SLCO3A1: variants seen among roughly 807,000 people sequenced by gnomAD.
SLCO3A1 encodes the protein PGE1 transporter.
SLCO3A1 carries 27 observed loss-of-function variants against 63.1 expected under a neutral mutation model. That is an observed-to-expected ratio of 0.43 (90% CI 0.32 to 0.59). The LOEUF (loss-of-function observed/expected upper bound fraction) is 0.59, where lower values mean the gene tolerates loss of function less well. Among genes scored for constraint, SLCO3A1 ranks in the 20% least tolerant of loss-of-function variants. The pLI is 0.09. For synonymous variants in SLCO3A1, 473 were observed against 409.9 expected, an observed-to-expected ratio of 1.15 and a Z score of -1.86; for missense variants, 773 against 945.8, an observed-to-expected ratio of 0.82 and a Z score of 2.40.
chr15:92,130,885 CAAAA>C (rs993611856), intron 7 of SLCO3A1, among the ~76,000 whole-genome samples: 5 of 21,798 alleles, frequency 2.3e-4, no homozygotes, highest in African/African-American at 4.3e-4. Flanking sequence ...AAGTTCGGGG[CAAAA>C]AAAAAAAAAA....
chr15:91,986,055 T>TC (rs1276915716), intron 2 of SLCO3A1, among the ~76,000 whole-genome samples: 2 of 152,126 alleles, frequency 1.3e-5, no homozygotes, highest in Admixed American at 6.5e-5. Context: ...GAGTTTACAT[T>TC]CCCTTGAGGA....
At chr15:91,876,429 T>C (rs57803275) in intron 1 of SLCO3A1, among the ~76,000 whole-genome samples, 7,176 of 152,284 alleles carry the variant, frequency 0.047, 528 homozygotes, top group African/African-American at 0.16. Context: ...CAAATGTCTG[T>C]TTCACATGGA....
intron 2 of SLCO3A1, among the ~76,000 whole-genome samples, chr15:92,009,168 G>A (rs561808158): frequency 5.9e-5 from 9 of 152,228 alleles, no homozygotes; most frequent in African/African-American, 1.9e-4. Flanking sequence ...ATGCTCTGCC[G>A]AGCCGTCCCC....
Position 91,865,419 on chromosome 15 carries a change from A to G in SLCO3A1, c.180+11331A>G, listed in dbSNP as rs1897141603. Among the ~76,000 whole-genome samples the G allele has an allele frequency of 6.6e-6, 1 of 152,182 alleles. No homozygotes were observed. Among genetic ancestry groups the G allele is most frequent in the African/African-American group, 2.4e-5 (1 of 41,432 alleles). On this transcript the variant is annotated intron_variant, in intron 1 of 9. Transcript: ENST00000318445. The surrounding 1 kb of genome is among the most constrained non-coding windows in gnomAD (Gnocchi z 4.6). The stretch of plus-strand genomic sequence containing the variant: ...TGAGATGGTAGGCATTTCAGAAGGA[A>G]AAAACCAGGTCTATTCATTAACTAG...
In SLCO3A1 at chr15:91,968,697, G is replaced by A. The variant is rs1260960182; in HGVS notation, c.646+52239G>A. Among the ~76,000 whole-genome samples, 2 of 152,138 alleles carry A rather than the reference G, an allele frequency of 1.3e-5. No homozygotes were observed. Among genetic ancestry groups the A allele is most frequent in the Non-Finnish European group, 2.9e-5 (2 of 68,024 alleles). On this transcript the variant is annotated intron_variant, in intron 2 of 9. Transcript: ENST00000318445. The surrounding 1 kb of genome is among the most constrained non-coding windows in gnomAD (Gnocchi z 4.2). ...AGAGAAAGGGTGCACACGCAGACCC[G>A]CAAGCACAGCCTTCGCACGTGTGCT...
At chr15:92,064,609 G>T (rs985429699) in intron 2 of SLCO3A1, among the ~76,000 whole-genome samples, 3 of 152,110 alleles carry the variant, frequency 2.0e-5, no homozygotes, top group African/African-American at 7.2e-5. Flanking sequence ...CGATAGCCAA[G>T]ATATGAAATC....
chr15:92,100,753 T>C (rs997671578), intron 3 of SLCO3A1, among the ~76,000 whole-genome samples: 2 of 152,320 alleles, frequency 1.3e-5, no homozygotes, highest in Middle Eastern at 3.4e-3. Context: ...CTAGGTTATG[T>C]TGCGGTAACA....
chr15:92,099,068 G>A (rs773249284), intron 3 of SLCO3A1, among the ~76,000 whole-genome samples: 7 of 152,172 alleles, frequency 4.6e-5, no homozygotes, highest in Admixed American at 3.9e-4. Context: ...ATGGACAAAG[G>A]CCTTGCTGAG....
intron 2 of SLCO3A1, among the ~76,000 whole-genome samples, chr15:92,019,236 A>C (rs1489066167): frequency 6.6e-6 from 1 of 152,110 alleles, no homozygotes; most frequent in African/African-American, 2.4e-5. Context: ...TCTTGGCTCT[A>C]CCACTTACCA....
intron 3 of SLCO3A1, 139 bp downstream of exon 3, chr15:92,095,118 C>G: frequency 3.4e-6 from 2 of 589,770 alleles, no homozygotes; most frequent in Non-Finnish European, 6.1e-6. Flanking sequence ...GGGGCTCACC[C>G]GAGATTAGAT....
At chr15:92,081,322 G>A (rs1279714784) in intron 2 of SLCO3A1, among the ~76,000 whole-genome samples, 1 of 151,072 alleles carries the variant, frequency 6.6e-6, no homozygotes, top group African/African-American at 2.4e-5. Context: ...TTTGGTCAGT[G>A]CTGGTACCAC....
At chr15:92,117,684 C>T (rs1398569048) in intron 4 of SLCO3A1, among the ~76,000 whole-genome samples, 3 of 152,176 alleles carry the variant, frequency 2.0e-5, no homozygotes, top group African/African-American at 4.8e-5. Flanking sequence ...GCCGACAGGT[C>T]TCCTGCCACA....
chr15:92,003,725 G>GTT (rs1302854386), intron 2 of SLCO3A1, among the ~76,000 whole-genome samples: 2 of 152,204 alleles, frequency 1.3e-5, no homozygotes, highest in Non-Finnish European at 2.9e-5. Context: ...ATACACAACA[G>GTT]TTAGTTCCCC....
chr15:91,867,396 C>G (rs1218652905), intron 1 of SLCO3A1, among the ~76,000 whole-genome samples: 1 of 152,150 alleles, frequency 6.6e-6, no homozygotes, highest in South Asian at 2.1e-4. Context: ...AATATAGGGT[C>G]CTGGGCCTGA....
At chr15:91,880,389 C>CTGTG (rs1358208114) in intron 1 of SLCO3A1, among the ~76,000 whole-genome samples, 56 of 103,770 alleles carry the variant, frequency 5.4e-4, no homozygotes, top group African/African-American at 2.8e-3. Context: ...GCTTCTCTCT[C>CTGTG]TCTCTCTCTC....
intron 2 of SLCO3A1, among the ~76,000 whole-genome samples, chr15:92,040,377 A>G (rs2151487103): frequency 6.6e-6 from 1 of 152,304 alleles, no homozygotes; most frequent in South Asian, 2.1e-4. Context: ...TTCAGGTTCC[A>G]TTCAGATTTT....
chr15:91,970,408 C>T (rs1379111298), intron 2 of SLCO3A1, among the ~76,000 whole-genome samples: 1 of 152,142 alleles, frequency 6.6e-6, no homozygotes, highest in Admixed American at 6.5e-5. Flanking sequence ...GTTGCTGGAG[C>T]CGCTGATGGG....
At chr15:92,018,465 T>C (rs1048931648) in intron 2 of SLCO3A1, among the ~76,000 whole-genome samples, 3 of 152,126 alleles carry the variant, frequency 2.0e-5, no homozygotes, top group African/African-American at 7.2e-5. Flanking sequence ...CCAGCATCTC[T>C]CATGGCATCA....
intron 1 of SLCO3A1, among the ~76,000 whole-genome samples, chr15:91,870,068 G>A (rs1472863344): frequency 6.6e-6 from 1 of 152,118 alleles, no homozygotes; most frequent in African/African-American, 2.4e-5. Context: ...CCTTTGGGGA[G>A]GATTGAGTGG....
Sources: gnomAD v4.1 joint callset for allele counts (sites outside exome capture counted in the v4.1 genomes callset) on GRCh38, gnomAD v4.1.1 for gene constraint, Gnocchi (gnomAD v3.1) non-coding constraint, MANE v1.5 for transcripts, NCBI Gene and HGNC (gene_info 2026-07-23, HGNC 2026-07-21) for gene names.